The following LHFPL2 variants were observed in gnomAD, a reference collection of about 807,000 sequenced individuals.
LHFPL2 encodes LHFPL tetraspan subfamily member 2 protein.
Under a neutral mutation model 17.5 loss-of-function variants are expected in LHFPL2, and 7 were observed. That is an observed-to-expected ratio of 0.40 (90% CI 0.23 to 0.75). LHFPL2 has a LOEUF of 0.75. Ranked by LOEUF, LHFPL2 falls within the 30% of genes least tolerant of loss-of-function variation. The pLI is 0.37. For synonymous variants in LHFPL2, 134 were observed against 116.2 expected, an observed-to-expected ratio of 1.15 and a Z score of -0.99; for missense variants, 241 against 294.8, an observed-to-expected ratio of 0.82 and a Z score of 1.34.
intron 3 of LHFPL2, among the ~76,000 whole-genome samples, chr5:78,529,728 C>G (rs2112355759): frequency 6.6e-6 from 1 of 152,194 alleles, no homozygotes; most frequent in East Asian, 1.9e-4. Flanking sequence ...AAACAAATCA[C>G]TGAATTTTTG....
chr5:78,579,860 G>C (rs1367446095), intron 2 of LHFPL2, among the ~76,000 whole-genome samples: 1 of 152,226 alleles, frequency 6.6e-6, no homozygotes. Flanking sequence ...TATATACCCA[G>C]TAATGGGATG....
chr5:78,579,788 A>C (rs867976111), intron 2 of LHFPL2, among the ~76,000 whole-genome samples: 2 of 152,308 alleles, frequency 1.3e-5, no homozygotes, highest in African/African-American at 2.4e-5. Flanking sequence ...ATTGTGAATA[A>C]TGCCGCAATA....
rs780273055 is a variant in LHFPL2, at chr5:78,488,986, C to T, written c.598G>A (p.Val200Ile). ...GCAATTTCTGCTTGTGCAGAGAAGA[C>T]AGCACAGATGAAAGTGAGGACTGTG... ...GGTVLTFICA[V>I]FSAQAEIATS... The change falls in exon 5 of 5, where the codon GTC becomes ATC. Residue 200 changes from valine to isoleucine, a missense_variant. Coordinates refer to ENST00000380345, the MANE Select transcript of LHFPL2 (RefSeq NM_005779.3). The T allele has an allele frequency of 5.0e-6, 8 of 1,614,204 alleles. No individual in the cohort carries two copies. The Admixed American group carries it at 1.0e-4, about 20-fold the overall frequency.
At chr5:78,613,262 T>C (rs368687948) in intron 2 of LHFPL2, among the ~76,000 whole-genome samples, 13 of 152,334 alleles carry the variant, frequency 8.5e-5, no homozygotes, top group African/African-American at 2.6e-4. Context: ...TATAAGATCA[T>C]GGCAAACTTG....
chr5:78,499,260 CTTTAATAA>C (rs1327337297), intron 4 of LHFPL2, among the ~76,000 whole-genome samples: 1 of 152,186 alleles, frequency 6.6e-6, no homozygotes. Flanking sequence ...GATTAGAACC[CTTTAATAA>C]TCATGAAGAT....
chr5:78,619,606 T>A (rs1203627737), intron 2 of LHFPL2, among the ~76,000 whole-genome samples: 4 of 140,946 alleles, frequency 2.8e-5, no homozygotes, highest in Non-Finnish European at 6.2e-5. Flanking sequence ...ACCCATTAAC[T>A]CGTCATTTAG....
Position 78,485,522 on chromosome 5 carries a change from ACT to A in LHFPL2, c.*3373_*3374del, listed in dbSNP as rs1754209057. 6.6e-6 allele frequency: 1 copy of A among 152,312 alleles called. No homozygotes were observed. Among genetic ancestry groups the A allele is most frequent in the African/African-American group, 2.4e-5 (1 of 41,316 alleles). The allele number at this position is 152,312 out of a possible 1,614,324, so 9.4% of individuals were successfully genotyped here. On this transcript the variant is annotated 3_prime_UTR_variant, in exon 5 of 5. Coordinates refer to ENST00000380345, the MANE Select transcript of LHFPL2 (RefSeq NM_005779.3). ...AGAAGAAATCCCAGTCGTGCCTTTA[ACT>A]CTTTTGGCCCTTGGGAGTCATTGCA...
At chr5:78,588,561 T>C (rs1432658508) in intron 2 of LHFPL2, among the ~76,000 whole-genome samples, 1 of 152,178 alleles carries the variant, frequency 6.6e-6, no homozygotes, top group Non-Finnish European at 1.5e-5. Context: ...GAAACAAAGT[T>C]AACAATGTAC....
At chr5:78,542,673 C>T (rs1227588092) in intron 3 of LHFPL2, among the ~76,000 whole-genome samples, 1 of 152,212 alleles carries the variant, frequency 6.6e-6, no homozygotes, top group Non-Finnish European at 1.5e-5. Flanking sequence ...GCCTTTCAGA[C>T]TGCTTCTCCC....
chr5:78,583,593 G>A (rs533161994), intron 2 of LHFPL2, among the ~76,000 whole-genome samples: 4 of 151,890 alleles, frequency 2.6e-5, no homozygotes, highest in African/African-American at 9.6e-5. Context: ...TTTTCTTTAA[G>A]AATGTTGAAT....
chr5:78,632,343 A>C lies in LHFPL2; in HGVS notation c.-324T>G, dbSNP rs900546432. 16 of 152,188 alleles carry C rather than the reference A, an allele frequency of 1.1e-4. No individual in the cohort carries two copies. Among genetic ancestry groups the C allele is most frequent in the African/African-American group, 3.9e-4 (16 of 41,436 alleles). The allele number at this position is 152,188 out of a possible 1,614,324, so 9.4% of individuals were successfully genotyped here. A position where few individuals can be genotyped will look rare whatever the true frequency, so the allele number is the denominator to read the frequency against. ...TGCAGAAACCATAGGCCAGCTGTCA[A>C]CTCAAGAGTCTGATTCCCAACTCAC... On this transcript the variant is annotated 5_prime_UTR_variant, in exon 2 of 5. Transcript: ENST00000380345.
chr5:78,603,099 GGCC>G (rs1744080714), intron 2 of LHFPL2, among the ~76,000 whole-genome samples: 1 of 152,056 alleles, frequency 6.6e-6, no homozygotes, highest in African/African-American at 2.4e-5. Flanking sequence ...TCACCATGTT[GGCC>G]AGGATGGTCT....
Position 78,510,214 on chromosome 5 carries a change from A to G in LHFPL2, c.-1T>C. On this transcript the variant is annotated 5_prime_UTR_variant, in exon 4 of 5. Coordinates refer to ENST00000380345, the MANE Select transcript of LHFPL2 (RefSeq NM_005779.3). ...GACAGGTGACAATGACATGACACAT[A>G]TTGATGTTCCGGGCGAAGAAAGAGT... 1 of 1,578,772 alleles carries G rather than the reference A, an allele frequency of 6.3e-7. No homozygotes were observed. Among genetic ancestry groups the G allele is most frequent in the Non-Finnish European group, 8.6e-7 (1 of 1,159,284 alleles).
At chr5:78,621,855 T>G (rs1271298166) in intron 2 of LHFPL2, among the ~76,000 whole-genome samples, 1 of 152,130 alleles carries the variant, frequency 6.6e-6, no homozygotes, top group African/African-American at 2.4e-5. Context: ...ACACAATTTT[T>G]TGGCTTTGCC....
chr5:78,618,666 G>A (rs553041440), intron 2 of LHFPL2, among the ~76,000 whole-genome samples: 17 of 152,306 alleles, frequency 1.1e-4, no homozygotes, highest in South Asian at 6.2e-4. Flanking sequence ...AAGTCAGTCC[G>A]GTGACACGTA....
At chr5:78,523,637 CA>C (rs1163596024) in intron 3 of LHFPL2, among the ~76,000 whole-genome samples, 2 of 152,156 alleles carry the variant, frequency 1.3e-5, no homozygotes, top group Non-Finnish European at 2.9e-5. Flanking sequence ...CAATGGCCCA[CA>C]GGGGCCAGTG....
chr5:78,570,247 A>G (rs1252542075), intron 2 of LHFPL2, among the ~76,000 whole-genome samples: 1 of 152,244 alleles, frequency 6.6e-6, no homozygotes, highest in African/African-American at 2.4e-5. Flanking sequence ...TACAGATAGT[A>G]GTTAGAAAAG....
chr5:78,567,412 T>A (rs1362411144), intron 2 of LHFPL2, among the ~76,000 whole-genome samples: 2 of 152,140 alleles, frequency 1.3e-5, no homozygotes, highest in Non-Finnish European at 2.9e-5. Context: ...ACTAAAAATA[T>A]ACTAAGTCAC....
intron 2 of LHFPL2, among the ~76,000 whole-genome samples, chr5:78,598,785 T>C (rs1430795926): frequency 6.6e-6 from 1 of 152,236 alleles, no homozygotes; most frequent in Non-Finnish European, 1.5e-5. Context: ...CAAAGTATTC[T>C]CAAATGAGAA....
Sources: allele counts gnomAD v4.1 joint callset (sites outside exome capture counted in the v4.1 genomes callset), GRCh38; gene constraint gnomAD v4.1.1; transcripts MANE v1.5; gene names NCBI Gene and HGNC (gene_info 2026-07-23, HGNC 2026-07-21).